ZNF492: variants seen among roughly 807,000 people sequenced by gnomAD.
The protein encoded by ZNF492 is zinc finger protein 492, also known as zinc finger protein 115 (Y20).
A neutral mutation model predicts 6.4 loss-of-function variants in ZNF492; 3 were observed. That is an observed-to-expected ratio of 0.47 (90% CI 0.21 to 1.22). The LOEUF (loss-of-function observed/expected upper bound fraction) is 1.22. Among genes scored for constraint, ZNF492 ranks in the 50% most tolerant of loss-of-function variants. The pLI, the probability that ZNF492 is intolerant of heterozygous loss-of-function variation, is 0.22. For synonymous variants in ZNF492, 112 were observed against 205.3 expected (o/e 0.55, Z 3.89); for missense variants, 356 against 612.5 (o/e 0.58, Z 4.42).
intron 3 of ZNF492, among the ~76,000 whole-genome samples, chr19:22,657,984 T>C (rs1184059128): frequency 2.6e-5 from 4 of 152,146 alleles, no homozygotes; most frequent in African/African-American, 7.2e-5. Flanking sequence ...AATAAACATA[T>C]TTCCTATGTG....
chr19:22,646,822 T>TTG (rs56788149), intron 1 of ZNF492, among the ~76,000 whole-genome samples: 16,974 of 152,262 alleles, frequency 0.11, 1,000 homozygotes, highest in Middle Eastern at 0.16. Flanking sequence ...ATTATGTTTA[T>TTG]TGATTTGCAT....
At chr19:22,656,096 T>C (rs896287021) in intron 3 of ZNF492, among the ~76,000 whole-genome samples, 3 of 144,250 alleles carry the variant, frequency 2.1e-5, no homozygotes, top group Non-Finnish European at 4.5e-5. Context: ...GTTCTGGGAT[T>C]ACAGGCATGA....
At chr19:22,647,262 T>TG (rs1555724904) in intron 1 of ZNF492, among the ~76,000 whole-genome samples, 1 of 145,812 alleles carries the variant, frequency 6.9e-6, no homozygotes, top group East Asian at 2.0e-4. Flanking sequence ...TTGTTGTTGT[T>TG]TTTTTTTTTT....
chr19:22,663,913 A>G lies in ZNF492; in HGVS notation c.244A>G (p.Arg82Gly), dbSNP rs775403909. 2.5e-6 allele frequency: 4 copies of G among 1,601,042 alleles called. No individual in the cohort carries two copies. Among genetic ancestry groups the G allele is most frequent in the Admixed American group, 3.5e-5 (2 of 57,178 alleles). ...KKCGCENLQL[R>G]KYCKSMDECK... is the part of the protein sequence containing the mutation. ...ATGTGGATGTGAAAATTTACAGTTA[A>G]GAAAATACTGTAAAAGCATGGATGA... The change falls in exon 4 of 4, where the codon AGA (arginine) becomes GGA (glycine). Residue 82 changes from arginine (R) to glycine (G), a missense_variant. By Grantham distance (125) the Arg-to-Gly change is moderately radical. Coordinates refer to ENST00000456783, the MANE Select transcript of ZNF492 (RefSeq NM_020855.3).
At chr19:22,655,813 GTTGTTTTTTTTTTTTTTTTTT>G (rs954475986) in intron 3 of ZNF492, among the ~76,000 whole-genome samples, 1 of 64,908 alleles carries the variant, frequency 1.5e-5, no homozygotes, top group African/African-American at 7.8e-5. Flanking sequence ...AGTTTTTCTT[GTTGTTTTTTTTTTTTTTTTTT>G]TTTTTTTTGA....
Position 22,663,859 on chromosome 19 carries a change from C to A in ZNF492, c.190C>A (p.Gln64Lys). 6.4e-7 allele frequency: 1 copy of A among 1,561,976 alleles called. No individual in the cohort carries two copies. The change falls in exon 4 of 4, where the codon CAA becomes AAA. Residue 64 changes from glutamine (Q) to lysine (K), a missense_variant. Gln to Lys is a moderately conservative substitution (Grantham distance 53, BLOSUM62 1). Coordinates refer to ENST00000456783, the MANE Select transcript of ZNF492 (RefSeq NM_020855.3). ...AAAGCAGGGCAAAAAAAATTATTTC[C>A]AAAAAGTGATACTGAGAAGATATAA... is the stretch of plus-strand genomic sequence containing the variant. ...WPKQGKKNYF[Q>K]KVILRRYKKC...
chr19:22,653,590 A>G lies in ZNF492; in HGVS notation c.34+157A>G, dbSNP rs10407877. On this transcript the variant is annotated intron_variant, in intron 2 of 3. Coordinates refer to ENST00000456783, the MANE Select transcript of ZNF492 (RefSeq NM_020855.3). ...GTAGAAAAGAATTTCAAGATGTTTCATTTTGACCTGAACTTTCCACACTCC... is the reference window on the plus strand; with the variant it reads ...GTAGAAAAGAATTTCAAGATGTTTCGTTTTGACCTGAACTTTCCACACTCC... 2.7e-3 allele frequency among the ~76,000 whole-genome samples: 407 copies of G among 151,954 alleles called. 5 individuals carry two copies. The highest frequency in any genetic ancestry group is 9.6e-3 in the African/African-American group (396 of 41,352).
At chr19:22,645,278 C>G (rs549530272) in intron 1 of ZNF492, among the ~76,000 whole-genome samples, 1 of 152,154 alleles carries the variant, frequency 6.6e-6, no homozygotes, top group South Asian at 2.1e-4. Flanking sequence ...AACTCCATAC[C>G]TCAAACGATC....
intron 1 of ZNF492, among the ~76,000 whole-genome samples, chr19:22,648,887 A>G (rs562923294): frequency 5.3e-4 from 80 of 152,182 alleles, no homozygotes; most frequent in East Asian, 4.3e-3. Flanking sequence ...TCTTTATCCA[A>G]TTTGCCAGTC....
chr19:22,655,138 C>T (rs1443427734), intron 3 of ZNF492, among the ~76,000 whole-genome samples: 1 of 151,384 alleles, frequency 6.6e-6, no homozygotes, highest in South Asian at 2.1e-4. Context: ...ACTAAAAATA[C>T]AAAAAATTAG....
rs765892342 is a variant in ZNF492 at position 22,653,372 on chromosome 19, C to G, written c.-28C>G. ...TGGAGGAGTGGCAATGCCTGGACAC[C>G]GCACAGCAGAATTTATATAGGAATG... On this transcript the variant is annotated 5_prime_UTR_variant, in exon 2 of 4. Transcript: ENST00000456783. The G allele has an allele frequency of 1.2e-6, 2 of 1,613,644 alleles. No individual in the cohort carries two copies. The highest frequency in any genetic ancestry group is 3.3e-5 in the Admixed American group (2 of 59,950).
intron 1 of ZNF492, among the ~76,000 whole-genome samples, chr19:22,636,317 T>C (rs1971762303): frequency 6.6e-6 from 1 of 152,072 alleles, no homozygotes; most frequent in Admixed American, 6.6e-5. Flanking sequence ...CAGGCTGGTC[T>C]TGAACTCCCA....
intron 3 of ZNF492, among the ~76,000 whole-genome samples, chr19:22,660,333 C>T (rs1417393818): frequency 5.9e-5 from 9 of 151,598 alleles, no homozygotes; most frequent in Non-Finnish European, 1.2e-4. Flanking sequence ...CTTTGTTTCT[C>T]ATTTTCTCTC....
At chr19:22,655,623 T>C (rs1004668276) in intron 3 of ZNF492, among the ~76,000 whole-genome samples, 1 of 148,478 alleles carries the variant, frequency 6.7e-6, no homozygotes, top group Non-Finnish European at 1.5e-5. Flanking sequence ...CAAGATCAAA[T>C]GATCTACAAA....
At chr19:22,661,887 A>G (rs573199978) in intron 3 of ZNF492, among the ~76,000 whole-genome samples, 15 of 152,176 alleles carry the variant, frequency 9.9e-5, no homozygotes, top group Admixed American at 5.2e-4. Context: ...TGAACCACCA[A>G]ACTCCTTCTT....
At chr19:22,651,701 C>T (rs1599398702) in intron 1 of ZNF492, among the ~76,000 whole-genome samples, 1 of 151,652 alleles carries the variant, frequency 6.6e-6, no homozygotes, top group African/African-American at 2.4e-5. Flanking sequence ...ACTCAAGATT[C>T]CTATTGGGGA....
At chr19:22,660,150 T>C (rs1186609374) in intron 3 of ZNF492, among the ~76,000 whole-genome samples, 1 of 151,258 alleles carries the variant, frequency 6.6e-6, no homozygotes, top group African/African-American at 2.5e-5. Flanking sequence ...TTTAGTGTTT[T>C]TTATCATTAG....
In ZNF492 at chr19:22,665,080, C is replaced by A; in HGVS notation, c.1411C>A (p.His471Asn). ...SSHLTTHKMIHTGEKPYKCEE... is the reference protein window; with the variant it reads ...SSHLTTHKMINTGEKPYKCEE... ...ACACCTTACTACACATAAGATGATT[C>A]ATACTGGAGAGAAACCCTACAAGTG... Residue 471 changes from histidine (H) to asparagine (N), a missense_variant, in exon 4 of 4, where the codon CAT becomes AAT. Around this residue, in one of 7 missense-constraint regions of ZNF492, gnomAD observed 81 missense variants for 115.4 expected, o/e 0.70. Coordinates refer to ENST00000456783, the MANE Select transcript of ZNF492 (RefSeq NM_020855.3). 1 of 1,607,984 alleles carries A rather than the reference C, an allele frequency of 6.2e-7. No homozygotes were observed. Among genetic ancestry groups the A allele is most frequent in the Non-Finnish European group, 8.5e-7 (1 of 1,179,548 alleles).
intron 1 of ZNF492, among the ~76,000 whole-genome samples, chr19:22,641,725 G>T (rs1316288546): frequency 6.6e-6 from 1 of 152,146 alleles, no homozygotes; most frequent in Non-Finnish European, 1.5e-5. Context: ...TATTGTGTCA[G>T]TATCTCATTC....
Sources: allele counts gnomAD v4.1 joint callset (sites outside exome capture counted in the v4.1 genomes callset), GRCh38; gene constraint gnomAD v4.1.1; regional missense constraint gnomAD v4.1.1; transcripts MANE v1.5; gene names NCBI Gene and HGNC (gene_info 2026-07-23, HGNC 2026-07-21).